Variants in SUGCT observed in about 807,000 individuals in gnomAD.
SUGCT encodes succinyl-CoA:glutarate-CoA transferase.
In SUGCT, 41 loss-of-function variants were observed where a neutral mutation model predicts 55.0. The observed-to-expected ratio is 0.74, with a 90% confidence interval of 0.58 to 0.97. The LOEUF (loss-of-function observed/expected upper bound fraction) is 0.97. SUGCT is among the 50% of genes least tolerant of loss of function. The pLI, the probability that SUGCT is intolerant of heterozygous loss-of-function variation, is 0.00. For missense variants in SUGCT, 568 were observed against 547.8 expected (o/e 1.04, Z -0.37); for synonymous variants, 187 against 200.4 (o/e 0.93, Z 0.56).
At chr7:40,576,907 T>C (rs960347178) in intron 12 of SUGCT, among the ~76,000 whole-genome samples, 1 of 152,148 alleles carries the variant, frequency 6.6e-6, no homozygotes, top group Non-Finnish European at 1.5e-5. Context: ...GAAAGGTGAT[T>C]GGTGAGATCC....
the SUGCT span, among the ~76,000 whole-genome samples, chr7:41,002,817 A>G: frequency 6.6e-6 from 1 of 152,102 alleles, no homozygotes; most frequent in Non-Finnish European, 1.5e-5. Flanking sequence ...AGGAAAATGA[A>G]ATAGGGACAG....
At chr7:40,482,392 C>T (rs1375642586) in intron 11 of SUGCT, among the ~76,000 whole-genome samples, 2 of 92,676 alleles carry the variant, frequency 2.2e-5, no homozygotes, top group African/African-American at 1.3e-4. Flanking sequence ...AGTAAACATC[C>T]ACAATTTATA....
intron 12 of SUGCT, among the ~76,000 whole-genome samples, chr7:40,686,684 C>T (rs1049922707): frequency 6.6e-6 from 1 of 152,166 alleles, no homozygotes; most frequent in South Asian, 2.1e-4. Flanking sequence ...TAGAGGGAAA[C>T]TCTACACATC....
intron 9 of SUGCT, among the ~76,000 whole-genome samples, chr7:40,392,113 G>A (rs1242127136): frequency 1.3e-5 from 2 of 152,110 alleles, no homozygotes; most frequent in African/African-American, 4.8e-5. Flanking sequence ...GGTGGAGAAC[G>A]TCACACACCG....
At chr7:40,835,452 A>G (rs945128818) in intron 13 of SUGCT, among the ~76,000 whole-genome samples, 2 of 152,080 alleles carry the variant, frequency 1.3e-5, no homozygotes, top group East Asian at 3.9e-4. Flanking sequence ...ACTTTCCCCT[A>G]TTTCTTACAT....
At chr7:41,004,585 G>C in the SUGCT span, among the ~76,000 whole-genome samples, 54,470 of 152,078 alleles carry the variant, frequency 0.36, 10,537 homozygotes, top group South Asian at 0.45. Flanking sequence ...AATACCACCA[G>C]GTTCAGAGAG....
Position 40,707,450 on chromosome 7 carries a change from G to C in SUGCT, c.1090-41984G>C, listed in dbSNP as rs150735084. ...TACAGGAAATTGGGCTGCAAGAGAG[G>C]AAAAGTGTGTGTTTCCCTGAAGGAA... On this transcript the variant is annotated intron_variant, in intron 12 of 13. Transcript: ENST00000335693. 5.3e-4 allele frequency among the ~76,000 whole-genome samples: 80 copies of C among 152,230 alleles called. No individual in the cohort carries two copies. The East Asian group carries it at 0.015, about 28-fold the overall frequency.
intron 12 of SUGCT, among the ~76,000 whole-genome samples, chr7:40,521,357 C>A (rs1793516819): frequency 6.6e-6 from 1 of 152,082 alleles, no homozygotes; most frequent in Non-Finnish European, 1.5e-5. Context: ...GCTGGCTCTG[C>A]CTTCACCTTT....
intron 1 of SUGCT, among the ~76,000 whole-genome samples, chr7:40,148,097 T>A (rs1788357877): frequency 6.6e-6 from 1 of 151,482 alleles, no homozygotes; most frequent in African/African-American, 2.4e-5. Context: ...GTGAGTGGTT[T>A]GGCGGGAAAA....
intron 12 of SUGCT, among the ~76,000 whole-genome samples, chr7:40,628,192 A>G (rs1799615589): frequency 6.6e-6 from 1 of 152,332 alleles, no homozygotes; most frequent in Non-Finnish European, 1.5e-5. Flanking sequence ...TAATTGTTCT[A>G]TTTTAATAAC....
At chr7:40,474,560 G>A (rs957940856) in intron 11 of SUGCT, among the ~76,000 whole-genome samples, 4 of 152,274 alleles carry the variant, frequency 2.6e-5, no homozygotes, top group South Asian at 2.1e-4. Context: ...AGGTGCAGGC[G>A]TTTGGAAAGG....
At chr7:40,156,872 C>T (rs1001162313) in intron 1 of SUGCT, among the ~76,000 whole-genome samples, 4 of 151,970 alleles carry the variant, frequency 2.6e-5, no homozygotes, top group Admixed American at 6.6e-5. Flanking sequence ...AGAAATTAGC[C>T]GGGCGTGTTG....
intron 9 of SUGCT, among the ~76,000 whole-genome samples, chr7:40,377,994 G>A (rs751184298): frequency 6.6e-6 from 1 of 152,114 alleles, no homozygotes; most frequent in Non-Finnish European, 1.5e-5. Context: ...GTAATGAATT[G>A]CTTCTCTCCT....
chr7:40,979,576 TG>T, the SUGCT span: 1 of 152,222 alleles, frequency 6.6e-6, no homozygotes, highest in African/African-American at 2.4e-5. Context: ...ACACAGGTGT[TG>T]GTGACATGGT....
rs115053485 is a variant in SUGCT at position 40,732,655 on chromosome 7, C to G, written c.1090-16779C>G. Among the ~76,000 whole-genome samples the G allele has an allele frequency of 1.1e-3, 175 of 152,264 alleles. 1 individual carries two copies. Among genetic ancestry groups the G allele is most frequent in the African/African-American group, 4.0e-3 (167 of 41,556 alleles). Reference sequence around the variant, plus strand: ...CTGAATAAGAAGACACACCACACAGCTGGAACTCAGAAGGCAGCACTCTCC... The same window carrying G: ...CTGAATAAGAAGACACACCACACAGGTGGAACTCAGAAGGCAGCACTCTCC... On this transcript the variant is annotated intron_variant, in intron 12 of 13. Coordinates refer to ENST00000335693, the MANE Select transcript of SUGCT (RefSeq NM_001193313.2).
chr7:40,352,333 T>C (rs1042949065), intron 9 of SUGCT, among the ~76,000 whole-genome samples: 2 of 152,170 alleles, frequency 1.3e-5, no homozygotes, highest in Non-Finnish European at 2.9e-5. Context: ...TTTAATGTTT[T>C]ATTTTAGATT....
the SUGCT span, among the ~76,000 whole-genome samples, chr7:40,919,398 T>C: frequency 6.6e-6 from 1 of 152,340 alleles, no homozygotes; most frequent in Middle Eastern, 3.4e-3. Flanking sequence ...GAATCAACCA[T>C]CTTCACCATT....
chr7:40,345,637 A>G (rs1473375260), intron 9 of SUGCT, among the ~76,000 whole-genome samples: 4 of 151,710 alleles, frequency 2.6e-5, no homozygotes, highest in Admixed American at 2.0e-4. Context: ...TGCAATTTTT[A>G]TTTTTGTAAG....
intron 9 of SUGCT, among the ~76,000 whole-genome samples, chr7:40,399,545 GT>G (rs1440748044): frequency 6.6e-6 from 1 of 152,138 alleles, no homozygotes; most frequent in Non-Finnish European, 1.5e-5. Flanking sequence ...GAGATTGAGA[GT>G]TTCCTCACCA....
Sources: allele counts gnomAD v4.1 joint callset (sites outside exome capture counted in the v4.1 genomes callset), GRCh38; gene constraint gnomAD v4.1.1; transcripts MANE v1.5; gene names NCBI Gene and HGNC (gene_info 2026-07-23, HGNC 2026-07-21).